Variants in PSD3 observed in about 807,000 individuals in gnomAD.
PSD3 encodes PH and SEC7 domain-containing protein 3.
PSD3 carries 49 observed loss-of-function variants against 105.5 expected under a neutral mutation model. The ratio of observed to expected loss-of-function variants is 0.46; its 90% CI spans 0.37 to 0.59. PSD3 has a LOEUF of 0.59. PSD3 is among the 20% of genes least tolerant of loss of function. The pLI is 0.00. For synonymous variants in PSD3, 557 were observed against 457.8 expected (o/e 1.22, Z -2.77); for missense variants, 1,561 against 1,263.8 (o/e 1.24, Z -3.57).
At chr8:18,576,455 C>T (rs1802468596) in intron 12 of PSD3, among the ~76,000 whole-genome samples, 2 of 152,132 alleles carry the variant, frequency 1.3e-5, no homozygotes, top group Non-Finnish European at 1.5e-5. Flanking sequence ...AAAACAAATA[C>T]AAGGTATTTA....
intron 14 of PSD3, among the ~76,000 whole-genome samples, chr8:18,566,322 C>T (rs1034865521): frequency 1.3e-5 from 2 of 151,858 alleles, no homozygotes; most frequent in Non-Finnish European, 2.9e-5. Context: ...GCCAGGAGTT[C>T]GAGACCATCA....
intron 9 of PSD3, among the ~76,000 whole-genome samples, chr8:18,746,120 C>T (rs1804996826): frequency 6.6e-6 from 1 of 152,232 alleles, no homozygotes; most frequent in African/African-American, 2.4e-5. Flanking sequence ...GATGGGTCCC[C>T]ACCCTTCACG....
upstream of PSD3, among the ~76,000 whole-genome samples, chr8:19,015,502 G>C (rs190787648): frequency 1.8e-4 from 27 of 152,284 alleles, no homozygotes; most frequent in African/African-American, 6.3e-4. Flanking sequence ...TGACGGTTTT[G>C]TTGGCAAAGC....
chr8:18,872,111 G>C lies in PSD3; in HGVS notation c.753C>G (p.Ala251=). 6.2e-7 allele frequency: 1 copy of C among 1,614,120 alleles called. No individual in the cohort carries two copies. ...AGGTCACTGCTGAGCTCCCGAGGGA[G>C]GCCAAAGGACAAGATGGCTCCTGCA... is the stretch of plus-strand genomic sequence containing the variant. ...VCVQEPSCPL[A]SLGSSAVTCH... Residue 251 remains alanine (A), a synonymous_variant, in exon 3 of 16, where the codon GCC becomes GCG. Transcript: ENST00000327040.
intron 9 of PSD3, among the ~76,000 whole-genome samples, chr8:18,752,901 AT>A (rs1805728328): frequency 6.6e-6 from 1 of 151,332 alleles, no homozygotes; most frequent in Non-Finnish European, 1.5e-5. Flanking sequence ...ATTGCTTTTG[AT>A]TGCTTTTAGA....
At chr8:18,656,002 T>A (rs528400948) in intron 9 of PSD3, among the ~76,000 whole-genome samples, 184 of 152,336 alleles carry the variant, frequency 1.2e-3, no homozygotes, top group African/African-American at 4.3e-3. Context: ...ATTTCTCATA[T>A]TGAAAATATG....
At chr8:19,063,248 G>A (rs1828963143) in intron 1 of PSD3, among the ~76,000 whole-genome samples, 1 of 152,164 alleles carries the variant, frequency 6.6e-6, no homozygotes, top group Non-Finnish European at 1.5e-5. Flanking sequence ...CTGGTTAGCT[G>A]ATTTTAAAAG....
At chr8:18,808,814 T>A in intron 4 of PSD3, 1 of 1,613,610 alleles carries the variant, frequency 6.2e-7, no homozygotes, top group Non-Finnish European at 8.5e-7. Context: ...GCCTGGACCA[T>A]CCTTCCTCTC....
intron 9 of PSD3, among the ~76,000 whole-genome samples, chr8:18,662,839 A>G (rs1280712842): frequency 1.3e-5 from 2 of 152,164 alleles, no homozygotes; most frequent in African/African-American, 4.8e-5. Flanking sequence ...CTCAAATCCT[A>G]GGCACAGCTT....
chr8:18,796,977 A>G (rs1018020830), intron 8 of PSD3, among the ~76,000 whole-genome samples: 12 of 152,184 alleles, frequency 7.9e-5, no homozygotes, highest in African/African-American at 2.9e-4. Context: ...TGACAAGTCA[A>G]ACAGACACTA....
chr8:18,791,991 C>T (rs1309541182), intron 8 of PSD3, among the ~76,000 whole-genome samples: 2 of 151,920 alleles, frequency 1.3e-5, no homozygotes, highest in Admixed American at 6.6e-5. Context: ...TGATCAATAT[C>T]GCAAATCAAA....
At chr8:18,741,129 G>A (rs1458585642) in intron 9 of PSD3, among the ~76,000 whole-genome samples, 1 of 152,200 alleles carries the variant, frequency 6.6e-6, no homozygotes, top group Non-Finnish European at 1.5e-5. Context: ...CACTGAGTAA[G>A]AGGGAGATGA....
intron 8 of PSD3, among the ~76,000 whole-genome samples, chr8:18,776,612 G>A (rs776403656): frequency 3.3e-5 from 5 of 151,892 alleles, no homozygotes; most frequent in African/African-American, 9.7e-5. Flanking sequence ...TTCTGACCTC[G>A]TGATCTGCTA....
intron 1 of PSD3, among the ~76,000 whole-genome samples, chr8:18,936,891 C>T (rs2129469144): frequency 6.6e-6 from 1 of 152,292 alleles, no homozygotes; most frequent in Middle Eastern, 3.4e-3. Context: ...AAAAACCAGT[C>T]TTTCCCCAAA....
At chr8:18,573,672 A>C (rs73211719) in intron 13 of PSD3, among the ~76,000 whole-genome samples, 13,085 of 152,202 alleles carry the variant, frequency 0.086, 797 homozygotes, top group African/African-American at 0.17. Context: ...TTTATGTTAA[A>C]TAAAAGAAGC....
intron 3 of PSD3, among the ~76,000 whole-genome samples, chr8:18,870,268 G>T (rs567877141): frequency 6.6e-6 from 1 of 152,186 alleles, no homozygotes; most frequent in South Asian, 2.1e-4. Flanking sequence ...TGTCATGAGG[G>T]CTGACAGAAG....
intron 8 of PSD3, among the ~76,000 whole-genome samples, chr8:18,795,394 G>A (rs543711039): frequency 6.6e-6 from 1 of 152,312 alleles, no homozygotes; most frequent in African/African-American, 2.4e-5. Flanking sequence ...GCTGGCTTCT[G>A]CCAATACTGG....
chr8:18,841,300 C>A (rs1002969553), intron 4 of PSD3, among the ~76,000 whole-genome samples: 1 of 152,128 alleles, frequency 6.6e-6, no homozygotes, highest in African/African-American at 2.4e-5. Flanking sequence ...GTATTCTCAG[C>A]GAGGGCAGCC....
intron 9 of PSD3, among the ~76,000 whole-genome samples, chr8:18,692,657 C>T (rs1174510262): frequency 6.6e-6 from 1 of 152,002 alleles, no homozygotes; most frequent in African/African-American, 2.4e-5. Context: ...AGTAACAGAA[C>T]CTGATTGGAA....
Sources: allele counts gnomAD v4.1 joint callset (sites outside exome capture counted in the v4.1 genomes callset), GRCh38; gene constraint gnomAD v4.1.1; transcripts MANE v1.5; gene names NCBI Gene and HGNC (gene_info 2026-07-23, HGNC 2026-07-21).